Variants in COL5A3 observed in about 807,000 individuals in gnomAD.
COL5A3 encodes the protein collagen type V alpha 3 chain, also known as collagen alpha-3(V) chain.
Under a neutral mutation model 250.0 loss-of-function variants are expected in COL5A3, and 172 were observed. The observed-to-expected ratio is 0.69, with a 90% CI of 0.61 to 0.78. The LOEUF is 0.78. Ranked by LOEUF, COL5A3 falls within the 30% of genes least tolerant of loss-of-function variation. The pLI is 0.00. For missense variants in COL5A3, 2,340 were observed against 2,334.4 expected, an observed-to-expected ratio of 1.00 and a Z score of -0.05; for synonymous variants, 937 against 900.4, an observed-to-expected ratio of 1.04 and a Z score of -0.73.
In COL5A3 at chr19:9,985,353, T is replaced by C. The variant is rs551305973; in HGVS notation, c.2406+489A>G. 6.6e-5 allele frequency among the ~76,000 whole-genome samples: 10 copies of C among 151,362 alleles called. No individual in the cohort carries two copies. In the South Asian group the frequency reaches 1.5e-3, roughly 22 times the overall value. ...TCAGCTCACCACAACCTCTGCCTCCTGGGTTCAAGCGATTCTCCTGCCTCA... is the reference window on the plus strand; with the variant it reads ...TCAGCTCACCACAACCTCTGCCTCCCGGGTTCAAGCGATTCTCCTGCCTCA... On this transcript the variant is annotated intron_variant, in intron 31 of 66. Coordinates refer to ENST00000264828, the MANE Select transcript of COL5A3 (RefSeq NM_015719.4).
chr19:10,007,090 C>T (rs1370148970), intron 1 of COL5A3, among the ~76,000 whole-genome samples: 2 of 148,596 alleles, frequency 1.3e-5, no homozygotes, highest in African/African-American at 5.0e-5. Context: ...ACTTTCCCCT[C>T]TAACCTCCTC....
chr19:9,965,585 T>G (rs2086732423), intron 64 of COL5A3, among the ~76,000 whole-genome samples: 1 of 151,882 alleles, frequency 6.6e-6, no homozygotes, highest in Non-Finnish European at 1.5e-5. Flanking sequence ...CCCGAGTAGC[T>G]GGGATTACAG....
In COL5A3 at chr19:9,993,649, G is replaced by A. The variant is rs2087228456; in HGVS notation, c.1665C>T (p.Leu555=). The change falls in exon 18 of 67, where the codon CTC becomes CTT. Residue 555 remains leucine (L), a synonymous_variant. Transcript: ENST00000264828. ...GPKGDRGFDG[L]PGLPGEKGQR... ...GGCCCTTCTCACCAGGCAGCCCAGG[G>A]AGGCCATCGAAGCCACGATCACCCT... 1.9e-6 allele frequency: 3 copies of A among 1,614,116 alleles called. No individual in the cohort carries two copies. In the South Asian group the frequency reaches 3.3e-5, roughly 18 times the overall value.
intron 27 of COL5A3, among the ~76,000 whole-genome samples, chr19:9,987,176 C>T (rs895620258): frequency 6.6e-6 from 1 of 152,180 alleles, no homozygotes; most frequent in Non-Finnish European, 1.5e-5. Flanking sequence ...GCGCTTAGTT[C>T]AAGTCTGGAT....
At chr19:9,988,853 A>AGAGAGAG (rs59188408) in intron 27 of COL5A3, among the ~76,000 whole-genome samples, 6 of 134,746 alleles carry the variant, frequency 4.5e-5, no homozygotes, top group African/African-American at 1.2e-4. Flanking sequence ...AAAAAAAAAA[A>AGAGAGAG]AAAAAGAAAG....
intron 8 of COL5A3, among the ~76,000 whole-genome samples, chr19:10,000,482 T>TTTTTTTTTTC (rs2087344620): frequency 8.1e-6 from 1 of 123,038 alleles, no homozygotes. Flanking sequence ...TTTTTTTTTT[T>TTTTTTTTTTC]AAGAGATGGG....
chr19:9,997,510 C>T (rs1248736027), intron 10 of COL5A3, 77 bp from the exon 11 acceptor site: 1 of 946,654 alleles, frequency 1.1e-6, no homozygotes, highest in Non-Finnish European at 1.6e-6. Flanking sequence ...ACCACTGACT[C>T]TAACCTCAGG....
intron 55 of COL5A3, 33 bp from the exon 56 acceptor site, chr19:9,969,715 G>A (rs757833913): frequency 6.3e-6 from 10 of 1,585,904 alleles, no homozygotes; most frequent in East Asian, 2.2e-5. Flanking sequence ...AGGGGCCAGA[G>A]TCAGAGGGTT....
intron 19 of COL5A3, 63 bp downstream of exon 19, chr19:9,993,317 G>C: frequency 1.3e-6 from 2 of 1,562,324 alleles, no homozygotes; most frequent in Non-Finnish European, 8.8e-7. Flanking sequence ...CTTCCTCTCT[G>C]ATTCTCACTC....
intron 8 of COL5A3, 52 bp from the exon 9 acceptor site, chr19:9,998,201 A>G (rs2087301254): frequency 2.6e-6 from 4 of 1,549,698 alleles, no homozygotes; most frequent in Admixed American, 1.9e-5. Flanking sequence ...ACTTGGACAT[A>G]AGCCCTTCAG....
At chr19:10,003,950 G>A in intron 5 of COL5A3, 91 bp downstream of exon 5, 1 of 1,149,712 alleles carries the variant, frequency 8.7e-7, no homozygotes, top group Non-Finnish European at 1.3e-6. Context: ...CCCATGTCTG[G>A]GGGATGAGAA....
chr19:10,008,944 G>T (rs1444202659), intron 1 of COL5A3, among the ~76,000 whole-genome samples: 1 of 152,012 alleles, frequency 6.6e-6, no homozygotes, highest in Non-Finnish European at 1.5e-5. Flanking sequence ...CACGTGGGAG[G>T]GTCATAAAAG....
chr19:9,979,288 G>T, intron 38 of COL5A3, 49 bp from the exon 39 acceptor site: 2 of 1,597,790 alleles, frequency 1.3e-6, no homozygotes, highest in Non-Finnish European at 1.7e-6. Context: ...TAGGGGAGTC[G>T]CTCAGGAGTC....
chr19:10,003,707 T>C lies in COL5A3; in HGVS notation c.707A>G (p.Gln236Arg). ...NLAPAATVAPQGEPETPRPRR... is the reference protein window; with the variant it reads ...NLAPAATVAPRGEPETPRPRR... ...AGGACGAGGGGTTTCTGGTTCACCCTGGGGAGCCTGGGAGAAGGGTTCCAG... is the reference window on the plus strand; with the variant it reads ...AGGACGAGGGGTTTCTGGTTCACCCCGGGGAGCCTGGGAGAAGGGTTCCAG... Residue 236 changes from glutamine (Q) to arginine (R), a missense_variant, in exon 6 of 67, where the codon CAG (glutamine) becomes CGG (arginine). Around this residue, in one of 3 missense-constraint regions of COL5A3, gnomAD observed 1,152 missense variants for 1,146.3 expected, o/e 1.00. Coordinates refer to ENST00000264828, the MANE Select transcript of COL5A3 (RefSeq NM_015719.4). 1 of 1,614,064 alleles carries C rather than the reference T, an allele frequency of 6.2e-7. No homozygotes were observed. Among genetic ancestry groups the C allele is most frequent in the Non-Finnish European group, 8.5e-7 (1 of 1,180,026 alleles).
At position 10,009,148 on chromosome 19, in the gene COL5A3, A is replaced by G. The variant is rs1256403100; in HGVS notation, c.88+1150T>C. On this transcript the variant is annotated intron_variant, in intron 1 of 66. Coordinates refer to ENST00000264828, the MANE Select transcript of COL5A3 (RefSeq NM_015719.4). The surrounding 1 kb of genome is among the most constrained non-coding windows in gnomAD (Gnocchi z 4.4). ...AGGCACCTTCCTGGACTCCAAAGTA[A>G]GAAGTGTGCTGTGGTGTGTGTGTGT... Among the ~76,000 whole-genome samples, 2 of 135,944 alleles carry G rather than the reference A, an allele frequency of 1.5e-5. No individual in the cohort carries two copies. Among genetic ancestry groups the G allele is most frequent in the African/African-American group, 5.4e-5 (2 of 37,078 alleles). 89.2% of individuals were successfully genotyped at this position (135,944 alleles called of 152,430 possible).
At position 9,971,027 on chromosome 19, in the gene COL5A3, C is replaced by A; in HGVS notation, c.3830G>T (p.Gly1277Val). ...LGPPGDPGVSGIDGSPGEKGD... is the reference protein window; with the variant it reads ...LGPPGDPGVSVIDGSPGEKGD... ...CTTCTCCCCTGGGGAACCATCTATG[C>A]CCTGCATGGGGGGAAGACAGAGTTG... Residue 1277 changes from glycine (G) to valine (V), a missense_variant and splice_region_variant, in exon 53 of 67, where the codon GGC becomes GTC. Gly to Val is a moderately radical substitution (Grantham distance 109, BLOSUM62 -3). Coordinates refer to ENST00000264828, the MANE Select transcript of COL5A3 (RefSeq NM_015719.4). The A allele has an allele frequency of 6.5e-7, 1 of 1,532,470 alleles. No individual in the cohort carries two copies. Among genetic ancestry groups the A allele is most frequent in the African/African-American group, 1.4e-5 (1 of 71,148 alleles). The allele number at this position is 1,532,470 out of a possible 1,614,324, so 94.9% of individuals were successfully genotyped here.
chr19:9,974,992 G>C (rs764980162), intron 45 of COL5A3, among the ~76,000 whole-genome samples: 17 of 151,922 alleles, frequency 1.1e-4, no homozygotes, highest in Non-Finnish European at 2.4e-4. Context: ...CTGCCTCCCT[G>C]GTTCAAGCAA....
chr19:9,986,283 T>A lies in COL5A3; in HGVS notation c.2352+32A>T, dbSNP rs999660673. ...GGGAAAAGATTGGGGACACCTTGAC[T>A]GTGGGAGGCTAGAGGGTGGAGAGTC... On this transcript the variant is annotated intron_variant, in intron 30 of 66. Coordinates refer to ENST00000264828, the MANE Select transcript of COL5A3 (RefSeq NM_015719.4). 13 of 1,388,058 alleles carry A rather than the reference T, an allele frequency of 9.4e-6. No homozygotes were observed. In the Admixed American group the frequency reaches 1.3e-4, roughly 14 times the overall value. 86.0% of individuals were successfully genotyped at this position (1,388,058 alleles called of 1,614,324 possible).
Position 9,974,151 on chromosome 19 carries a change from C to G in COL5A3, c.3504+20G>C. 1 of 1,610,518 alleles carries G rather than the reference C, an allele frequency of 6.2e-7. No homozygotes were observed. The highest frequency in any genetic ancestry group is 8.5e-7 in the Non-Finnish European group (1 of 1,177,864). On this transcript the variant is annotated intron_variant, in intron 47 of 66. Transcript: ENST00000264828. Reference sequence around the variant, plus strand: ...AACCCCACCATCCTCCCCCTCCCACCTTCCTCTGGGAGTGCATACCATGGA... The same window carrying G: ...AACCCCACCATCCTCCCCCTCCCACGTTCCTCTGGGAGTGCATACCATGGA...
Sources: gnomAD v4.1 joint callset for allele counts (sites outside exome capture counted in the v4.1 genomes callset) on GRCh38, gnomAD v4.1.1 for gene constraint, gnomAD v4.1.1 regional missense constraint, Gnocchi (gnomAD v3.1) non-coding constraint, MANE v1.5 for transcripts, NCBI Gene and HGNC (gene_info 2026-07-23, HGNC 2026-07-21) for gene names.